Variants in ST7L observed in about 807,000 individuals in gnomAD.
The protein encoded by ST7L is suppression of tumorigenicity 7 like.
ST7L carries 57 observed loss-of-function variants against 72.5 expected under a neutral mutation model. The ratio of observed to expected loss-of-function variants is 0.79; its 90% confidence interval spans 0.64 to 0.98. ST7L has a LOEUF of 0.98. ST7L is among the 50% of genes least tolerant of loss of function. ST7L has a pLI of 0.00. For synonymous variants in ST7L, 221 were observed against 240.9 expected (o/e 0.92, Z 0.77); for missense variants, 576 against 672.2 (o/e 0.86, Z 1.58).
chr1:112,577,250 C>T (rs1351158787), intron 10 of ST7L, among the ~76,000 whole-genome samples, 162 bp from the exon 11 acceptor site: 2 of 150,512 alleles, frequency 1.3e-5, no homozygotes, highest in South Asian at 2.1e-4. Context: ...TAAAGCTGGC[C>T]GGGCGCAGTG....
chr1:112,570,570 T>TATATATATATAC (rs1183877129), intron 11 of ST7L, among the ~76,000 whole-genome samples: 8 of 143,372 alleles, frequency 5.6e-5, no homozygotes, highest in African/African-American at 7.8e-5. Flanking sequence ...TATATATATA[T>TATATATATATAC]ACACACACAC....
At chr1:112,614,228 T>C (rs1262031187) in intron 2 of ST7L, among the ~76,000 whole-genome samples, 1 of 128,934 alleles carries the variant, frequency 7.8e-6, no homozygotes, top group Non-Finnish European at 1.7e-5. Flanking sequence ...TTAATATTGA[T>C]AGTTTCTTTA....
At chr1:112,619,414 C>G (rs541292738), upstream of ST7L, 6 of 544,536 alleles carry the variant, frequency 1.1e-5, no homozygotes, top group South Asian at 1.0e-4. Flanking sequence ...ACCGCCCCCC[C>G]CCCGGGGTTG....
rs146691818 is a variant in ST7L at position 112,590,929 on chromosome 1, CT to C, written c.701+595del. 8.6e-3 allele frequency among the ~76,000 whole-genome samples: 1,100 copies of C among 128,636 alleles called. 6 individuals carry two copies. Among genetic ancestry groups the C allele is most frequent in the South Asian group, 0.019 (80 of 4,110 alleles). The allele number at this position is 128,636 out of a possible 152,430, so 84.4% of individuals were successfully genotyped here. A position where few individuals can be genotyped will look rare whatever the true frequency, so the allele number is the denominator to read the frequency against. On this transcript the variant is annotated intron_variant, in intron 6 of 14. Coordinates refer to ENST00000358039, the MANE Select transcript of ST7L (RefSeq NM_017744.5). ...ATAAATACATTTGTATTTTAGTACC[CT>C]TTTTTTTTTTTTTTTTTTGAGACAG...
chr1:112,528,115 C>A (rs1653764516), intron 14 of ST7L: 1 of 152,102 alleles, frequency 6.6e-6, no homozygotes, highest in Non-Finnish European at 1.5e-5. Context: ...TGAGATTAAG[C>A]AGAGATGGCA....
intron 11 of ST7L, among the ~76,000 whole-genome samples, chr1:112,567,923 C>T (rs958609371): frequency 6.6e-6 from 1 of 152,070 alleles, no homozygotes; most frequent in Non-Finnish European, 1.5e-5. Context: ...TTACAGCAAG[C>T]CATTGTTAGA....
At chr1:112,581,935 A>C in intron 9 of ST7L, 57 bp downstream of exon 9, 1 of 1,170,076 alleles carries the variant, frequency 8.5e-7, no homozygotes, top group Non-Finnish European at 1.3e-6. Context: ...AACCACATTT[A>C]TAATTACATA....
chr1:112,592,261 CAAAT>C (rs1455227375), intron 5 of ST7L, among the ~76,000 whole-genome samples: 1 of 151,984 alleles, frequency 6.6e-6, no homozygotes. Flanking sequence ...ATTAAATAAA[CAAAT>C]AAAGTAGACT....
At chr1:112,533,533 T>C (rs1654726673) in intron 14 of ST7L, among the ~76,000 whole-genome samples, 1 of 152,134 alleles carries the variant, frequency 6.6e-6, no homozygotes, top group Admixed American at 6.5e-5. Flanking sequence ...GCCAGGATCG[T>C]CTTGATCTCT....
At chr1:112,547,747 A>G (rs139684103) in intron 13 of ST7L, among the ~76,000 whole-genome samples, 3,015 of 150,128 alleles carry the variant, frequency 0.02, 98 homozygotes, top group African/African-American at 0.069. Flanking sequence ...TAGTTTTAGT[A>G]GAAATGGGGT....
intron 11 of ST7L, among the ~76,000 whole-genome samples, chr1:112,574,456 G>A (rs1025473614): frequency 4.6e-5 from 7 of 151,790 alleles, no homozygotes; most frequent in Non-Finnish European, 5.9e-5. Flanking sequence ...TCAGGAGATC[G>A]AGACCATCCT....
chr1:112,545,308 C>T (rs1656868583), intron 13 of ST7L, among the ~76,000 whole-genome samples: 2 of 152,126 alleles, frequency 1.3e-5, no homozygotes, highest in East Asian at 1.9e-4. Context: ...TTATAGCTTA[C>T]AGCTTTGACA....
rs151178586 is a variant in ST7L, at chr1:112,583,490, G to A, written c.856+482C>T. On this transcript the variant is annotated intron_variant, in intron 7 of 14. Coordinates refer to ENST00000358039, the MANE Select transcript of ST7L (RefSeq NM_017744.5). ...CAAAGAAAGAATCAATGCCAAGTAT[G>A]AGGTTGGATTTTGGGCTAAGAATCA... 2.3e-3 allele frequency among the ~76,000 whole-genome samples: 345 copies of A among 152,280 alleles called. 2 individuals are homozygous for A. Among genetic ancestry groups the A allele is most frequent in the African/African-American group, 7.0e-3 (292 of 41,554 alleles).
intron 11 of ST7L, among the ~76,000 whole-genome samples, chr1:112,558,403 G>C (rs1375154231): frequency 6.6e-6 from 1 of 152,186 alleles, no homozygotes; most frequent in African/African-American, 2.4e-5. Context: ...AAAAGCTGTA[G>C]TGGTTTCAAA....
At chr1:112,605,344 G>A (rs1219274133) in intron 3 of ST7L, among the ~76,000 whole-genome samples, 2 of 151,984 alleles carry the variant, frequency 1.3e-5, no homozygotes, top group Non-Finnish European at 2.9e-5. Flanking sequence ...AGTGAGCCGA[G>A]ATTGCGCTCC....
At chr1:112,603,917 T>C (rs935281297) in intron 3 of ST7L, among the ~76,000 whole-genome samples, 1 of 152,164 alleles carries the variant, frequency 6.6e-6, no homozygotes, top group African/African-American at 2.4e-5. Context: ...AATAGTCATA[T>C]GGGGGATTAG....
intron 11 of ST7L, among the ~76,000 whole-genome samples, chr1:112,568,209 C>T (rs781166388): frequency 6.6e-6 from 1 of 151,924 alleles, no homozygotes; most frequent in Non-Finnish European, 1.5e-5. Flanking sequence ...GGTTTGTGAC[C>T]CATTCTCATG....
rs1660299725 is a variant in ST7L, at chr1:112,562,345, G to T, written c.1246-6327C>A. ...ATATGTCTGTTTCCCAGTGTTTACT[G>T]ATTGTCTATATAAGCTAGGAAGAGT... On this transcript the variant is annotated intron_variant, in intron 11 of 14. Transcript: ENST00000358039. Among the ~76,000 whole-genome samples the T allele has an allele frequency of 1.3e-5, 2 of 152,086 alleles. 1 individual carries two copies. Among genetic ancestry groups the T allele is most frequent in the Middle Eastern group, 6.3e-3 (2 of 316 alleles).
At chr1:112,595,535 CT>C (rs2101987063) in intron 5 of ST7L, among the ~76,000 whole-genome samples, 1 of 152,152 alleles carries the variant, frequency 6.6e-6, no homozygotes, top group African/African-American at 2.4e-5. Flanking sequence ...ATCCACCCAC[CT>C]CAGCCTCTCA....
Sources: gnomAD v4.1 joint callset for allele counts (sites outside exome capture counted in the v4.1 genomes callset) on GRCh38, gnomAD v4.1.1 for gene constraint, MANE v1.5 for transcripts, NCBI Gene and HGNC (gene_info 2026-07-23, HGNC 2026-07-21) for gene names.